Variants in SV2C observed in about 807,000 individuals in gnomAD.
SV2C encodes synaptic vesicle glycoprotein 2C, also known as solute carrier family 22 member B3.
A neutral mutation model predicts 79.7 loss-of-function variants in SV2C; 49 were observed. That is an observed-to-expected ratio of 0.61 (90% CI 0.49 to 0.78). The LOEUF is 0.78. SV2C is among the 30% of genes least tolerant of loss of function. The pLI, the probability that SV2C is intolerant of heterozygous loss-of-function variation, is 0.00. For missense variants in SV2C, 833 were observed against 912.9 expected (o/e 0.91, Z 1.13); for synonymous variants, 334 against 333.2 (o/e 1.00, Z -0.03).
At chr5:76,048,879 G>A in the SV2C span, among the ~76,000 whole-genome samples, 11 of 139,970 alleles carry the variant, frequency 7.9e-5, 1 homozygote, top group Non-Finnish European at 1.5e-5. Flanking sequence ...GAGAGAGAGA[G>A]GAAGGAAGGA....
At chr5:76,337,395 T>C (rs1749349812), downstream of SV2C, among the ~76,000 whole-genome samples, 2 of 152,184 alleles carry the variant, frequency 1.3e-5, no homozygotes, top group Admixed American at 6.5e-5. Flanking sequence ...GAATACCTCC[T>C]TAAAGACCCT....
intron 6 of SV2C, among the ~76,000 whole-genome samples, 173 bp from the exon 7 acceptor site, chr5:76,291,048 C>T (rs570008728): frequency 6.6e-6 from 1 of 152,232 alleles, no homozygotes; most frequent in Admixed American, 6.5e-5. Flanking sequence ...CTTCCAGGTG[C>T]TGTTTGGATC....
At chr5:76,171,516 C>G (rs1436829563) in intron 2 of SV2C, among the ~76,000 whole-genome samples, 12 of 134,578 alleles carry the variant, frequency 8.9e-5, no homozygotes, top group Admixed American at 1.4e-4. Context: ...ACCACCCCGT[C>G]TGAGAAGTGA....
At chr5:75,920,190 A>G in the SV2C span, among the ~76,000 whole-genome samples, 1 of 152,236 alleles carries the variant, frequency 6.6e-6, no homozygotes, top group Admixed American at 6.5e-5. Flanking sequence ...TGGTGAAGTT[A>G]TACAGGTGGA....
intron 4 of SV2C, among the ~76,000 whole-genome samples, chr5:76,235,402 A>C (rs755281531): frequency 1.1e-4 from 16 of 152,348 alleles, no homozygotes; most frequent in Non-Finnish European, 1.9e-4. Flanking sequence ...AAAGCCAGCA[A>C]AGCTTTCTTT....
intron 1 of SV2C, among the ~76,000 whole-genome samples, chr5:76,130,145 T>TAAAAAAAAAAAAAAA (rs375351450): frequency 7.4e-5 from 5 of 67,834 alleles, no homozygotes; most frequent in Non-Finnish European, 1.2e-4. Context: ...TCTCAGTTCT[T>TAAAAAAAAAAAAAAA]AAAAAAAAAA....
At chr5:76,030,272 T>TTTTTTTTTTTTTTATTTATTTATTTA in the SV2C span, among the ~76,000 whole-genome samples, 1 of 106,678 alleles carries the variant, frequency 9.4e-6, no homozygotes, top group African/African-American at 4.4e-5. Context: ...GCTTGTTTTT[T>TTTTTTTTTTTTTTATTTATTTATTTA]TTTTTTTTTT....
the SV2C span, among the ~76,000 whole-genome samples, chr5:75,970,755 A>G: frequency 1.3e-5 from 2 of 152,212 alleles, no homozygotes; most frequent in African/African-American, 4.8e-5. Context: ...ACATGGAGGA[A>G]CTGGTACCAT....
intron 1 of SV2C, among the ~76,000 whole-genome samples, chr5:76,085,104 A>G (rs1176209588): frequency 6.6e-6 from 1 of 152,182 alleles, no homozygotes; most frequent in Non-Finnish European, 1.5e-5. Flanking sequence ...CTTATCCTTA[A>G]TTCTGAAGAA....
At chr5:75,860,911 C>A in the SV2C span, among the ~76,000 whole-genome samples, 1 of 152,310 alleles carries the variant, frequency 6.6e-6, no homozygotes, top group Admixed American at 6.5e-5. Context: ...GACCCCCTAC[C>A]TTTCACTATA....
At chr5:75,979,241 T>C in the SV2C span, among the ~76,000 whole-genome samples, 2 of 152,246 alleles carry the variant, frequency 1.3e-5, no homozygotes, top group Non-Finnish European at 2.9e-5. Context: ...AGCAAGTTCT[T>C]AGAGACCTTA....
the SV2C span, among the ~76,000 whole-genome samples, chr5:75,993,642 T>C: frequency 6.6e-6 from 1 of 152,168 alleles, no homozygotes; most frequent in South Asian, 2.1e-4. Flanking sequence ...ACTTTGCTTG[T>C]AGGAACAGAA....
intron 4 of SV2C, among the ~76,000 whole-genome samples, chr5:76,259,723 T>C (rs559480258): frequency 4.6e-5 from 7 of 152,268 alleles, no homozygotes; most frequent in African/African-American, 1.7e-4. Context: ...CCTGTGTTAG[T>C]TTGCTGAAGA....
the SV2C span, among the ~76,000 whole-genome samples, chr5:76,046,150 A>T: frequency 6.6e-6 from 1 of 152,210 alleles, no homozygotes; most frequent in African/African-American, 2.4e-5. Context: ...GTCTTCTATA[A>T]GTCAGGCTAT....
upstream of SV2C, chr5:76,078,667 TCA>T (rs1746925389): frequency 2.2e-6 from 1 of 451,298 alleles, no homozygotes; most frequent in Admixed American, 2.8e-5. Context: ...CGCCTCACTG[TCA>T]CAGCAGCATG....
At position 76,343,136 on chromosome 5, in the gene SV2C, C is replaced by T. The variant is rs1470330585; in HGVS notation, c.2001-9994C>T. Among the ~76,000 whole-genome samples, 3 of 152,178 alleles carry T rather than the reference C, an allele frequency of 2.0e-5. No individual in the cohort carries two copies. In the East Asian group the frequency reaches 5.8e-4, roughly 29 times the overall value. On this transcript the variant is annotated intron_variant, in intron 12 of 12. Transcript: ENST00000322285. ...CTTTGATTTCTGTCTACTTCAGGGTCAGGAAGACATTCTCCTCACCTAGCA... is the reference window on the plus strand; with the variant it reads ...CTTTGATTTCTGTCTACTTCAGGGTTAGGAAGACATTCTCCTCACCTAGCA...
chr5:76,139,856 ATTTTTTTTTTTTTTT>A (rs3079931), intron 2 of SV2C, among the ~76,000 whole-genome samples: 1 of 65,356 alleles, frequency 1.5e-5, no homozygotes, highest in Non-Finnish European at 3.7e-5. Context: ...TCTTGAAAGT[ATTTTTTTTTTTTTTT>A]TTTTTTTTTG....
At chr5:75,887,137 T>C in the SV2C span, among the ~76,000 whole-genome samples, 152,098 of 152,252 alleles carry the variant, frequency 1, 75,972 homozygotes, top group South Asian at 1. Context: ...TTTGATTATA[T>C]GTATACATTG....
chr5:75,887,873 C>A, the SV2C span, among the ~76,000 whole-genome samples: 18 of 151,994 alleles, frequency 1.2e-4, no homozygotes, highest in Non-Finnish European at 1.5e-4. Context: ...CTTAGGTGTC[C>A]TTGAAGCGGT....
Sources: allele counts gnomAD v4.1 joint callset (sites outside exome capture counted in the v4.1 genomes callset), GRCh38; gene constraint gnomAD v4.1.1; transcripts MANE v1.5; gene names NCBI Gene and HGNC (gene_info 2026-07-23, HGNC 2026-07-21).